Variants in SHROOM3 observed in about 807,000 individuals in gnomAD.
SHROOM3 encodes protein Shroom3.
In SHROOM3, 47 loss-of-function variants were observed where a neutral mutation model predicts 138.6. That is an observed-to-expected ratio of 0.34 (90% CI 0.27 to 0.43). SHROOM3 has a LOEUF of 0.43. Ranked by LOEUF, SHROOM3 falls within the 20% of genes least tolerant of loss-of-function variation. SHROOM3 has a pLI of 1.00. For missense variants in SHROOM3, 2,491 were observed against 2,596.5 expected (o/e 0.96, Z 0.88); for synonymous variants, 1,062 against 1,063.3 (o/e 1.00, Z 0.02).
intron 1 of SHROOM3, among the ~76,000 whole-genome samples, chr4:76,452,273 G>T (rs1333383328): frequency 1.3e-5 from 2 of 152,284 alleles, no homozygotes; most frequent in African/African-American, 4.8e-5. Flanking sequence ...ACAGTTCAGT[G>T]GCATCAAGTA....
At chr4:76,560,596 T>C (rs1283810771) in intron 2 of SHROOM3, among the ~76,000 whole-genome samples, 1 of 152,228 alleles carries the variant, frequency 6.6e-6, no homozygotes, top group Admixed American at 6.5e-5. Context: ...CCTTCATTAA[T>C]CAAAAGAAAG....
intron 2 of SHROOM3, among the ~76,000 whole-genome samples, chr4:76,629,834 G>A (rs13117261): frequency 0.36 from 55,402 of 151,982 alleles, 10,677 homozygotes; most frequent in East Asian, 0.52. Flanking sequence ...ATTGTGTATA[G>A]CTACTAAAAT....
At chr4:76,686,908 C>T (rs535814744) in intron 2 of SHROOM3, among the ~76,000 whole-genome samples, 19 of 152,272 alleles carry the variant, frequency 1.2e-4, no homozygotes, top group African/African-American at 3.9e-4. Context: ...GGACCACCTG[C>T]GGGACCTTGC....
At chr4:76,532,753 T>C (rs940456943) in intron 1 of SHROOM3, among the ~76,000 whole-genome samples, 1 of 152,210 alleles carries the variant, frequency 6.6e-6, no homozygotes, top group African/African-American at 2.4e-5. Flanking sequence ...CGTACATTTT[T>C]TTTTCTAAAG....
intron 1 of SHROOM3, among the ~76,000 whole-genome samples, chr4:76,482,684 A>G (rs1461791938): frequency 6.6e-6 from 1 of 152,220 alleles, no homozygotes; most frequent in Non-Finnish European, 1.5e-5. Context: ...AAGAGCCCAC[A>G]TAGCCAAGAC....
intron 2 of SHROOM3, among the ~76,000 whole-genome samples, chr4:76,564,254 G>T (rs993179574): frequency 2.0e-5 from 3 of 152,144 alleles, no homozygotes; most frequent in African/African-American, 7.2e-5. Context: ...TCCCTAGAGG[G>T]GAGATCAGTA....
intron 9 of SHROOM3, among the ~76,000 whole-genome samples, chr4:76,767,649 G>T (rs1436183313): frequency 6.6e-6 from 1 of 152,124 alleles, no homozygotes; most frequent in Non-Finnish European, 1.5e-5. Flanking sequence ...TTGCACTCCA[G>T]CCTGGGCAAC....
At chr4:76,774,687 C>CCTGAA (rs1446080399) in intron 10 of SHROOM3, among the ~76,000 whole-genome samples, 1 of 147,820 alleles carries the variant, frequency 6.8e-6, no homozygotes, top group African/African-American at 2.5e-5. Flanking sequence ...CATTCAAATT[C>CCTGAA]AGTCCCTCAG....
chr4:76,596,118 C>G (rs1396862120), intron 2 of SHROOM3, among the ~76,000 whole-genome samples: 1 of 152,096 alleles, frequency 6.6e-6, no homozygotes, highest in African/African-American at 2.4e-5. Context: ...CAATGATGGA[C>G]CCCATGCATG....
At chr4:76,601,597 C>T (rs1734506293) in intron 2 of SHROOM3, among the ~76,000 whole-genome samples, 1 of 152,186 alleles carries the variant, frequency 6.6e-6, no homozygotes, top group Non-Finnish European at 1.5e-5. Context: ...CTCCGCCTCC[C>T]AGGTTCAAGC....
chr4:76,678,780 C>T (rs1719110340), intron 2 of SHROOM3, among the ~76,000 whole-genome samples: 1 of 152,196 alleles, frequency 6.6e-6, no homozygotes, highest in Admixed American at 6.5e-5. Context: ...CCTGCCTCAG[C>T]CTCCCGAGTA....
At chr4:76,449,573 AT>A (rs751608637) in intron 1 of SHROOM3, among the ~76,000 whole-genome samples, 1 of 152,220 alleles carries the variant, frequency 6.6e-6, no homozygotes, top group Non-Finnish European at 1.5e-5. Flanking sequence ...CAATGTGAAT[AT>A]TCTTTGACTC....
Position 76,755,839 on chromosome 4 carries a change from G to C in SHROOM3, c.4710-610G>C, listed in dbSNP as rs117731212. Among the ~76,000 whole-genome samples, 169 of 152,292 alleles carry C rather than the reference G, an allele frequency of 1.1e-3. 5 individuals carry two copies. The East Asian group carries it at 0.028, about 25-fold the overall frequency. ...TTAGGGAAAACCTCTTGGAAGCTAGGAGAATGAGAAAGAAGCATTCCCCAA... is the reference window on the plus strand; with the variant it reads ...TTAGGGAAAACCTCTTGGAAGCTAGCAGAATGAGAAAGAAGCATTCCCCAA... On this transcript the variant is annotated intron_variant, in intron 7 of 10. Transcript: ENST00000296043.
chr4:76,754,805 G>A lies in SHROOM3; in HGVS notation c.4322G>A (p.Ser1441Asn), dbSNP rs778669488. 2 of 1,614,044 alleles carry A rather than the reference G, an allele frequency of 1.2e-6. No individual in the cohort carries two copies. The highest frequency in any genetic ancestry group is 2.7e-5 in the African/African-American group (2 of 74,914). The stretch of plus-strand genomic sequence containing the variant: ...TGGGCCCACGCAGCCAGAGAGGACA[G>A]CCTTCCTGAGGAATCCTCAGCCCCT... ...AKWAHAARED[S>N]LPEESSAPDF... The change falls in exon 7 of 11, where the codon AGC becomes AAC. Residue 1441 changes from serine (S) to asparagine (N), a missense_variant. Ser to Asn is a conservative substitution (Grantham distance 46, BLOSUM62 1). Transcript: ENST00000296043.
At chr4:76,603,071 T>C (rs888422703) in intron 2 of SHROOM3, among the ~76,000 whole-genome samples, 2 of 152,200 alleles carry the variant, frequency 1.3e-5, no homozygotes, top group Non-Finnish European at 2.9e-5. Context: ...TGTAATGTGG[T>C]ATAAAGGCAC....
chr4:76,727,887 C>CAAAAAAAAAAAAAAAAAAAAA (rs71212446), intron 3 of SHROOM3, among the ~76,000 whole-genome samples: 15 of 96,230 alleles, frequency 1.6e-4, no homozygotes, highest in Admixed American at 4.5e-4. Context: ...GACTCCATCT[C>CAAAAAAAAAAAAAAAAAAAAA]AAAAAAAAAG....
At chr4:76,522,096 C>G (rs991504468) in intron 1 of SHROOM3, among the ~76,000 whole-genome samples, 112 of 148,742 alleles carry the variant, frequency 7.5e-4, no homozygotes, top group Non-Finnish European at 2.2e-4. Flanking sequence ...AGGCAGGGAA[C>G]TGTTGGAGGG....
rs772930803 is a variant in SHROOM3 at position 76,741,170 on chromosome 4, GCCC to G, written c.3000_3002del (p.Pro1001del). On this transcript the variant is annotated inframe_deletion, in exon 5 of 11. Transcript: ENST00000296043. This position sits in a 1 kb window ranked among gnomAD's most constrained non-coding sequence, Gnocchi z 6.2. ...CTGAGGGCGACCTGGCCAGGCCCGT[GCCC>G]CCTGCCGCCCGGAGAGGTGCTCGCC... 15 of 1,584,794 alleles carry G rather than the reference GCCC, an allele frequency of 9.5e-6. No individual in the cohort carries two copies. In the South Asian group the frequency reaches 1.5e-4, roughly 16 times the overall value.
rs560173429 is a variant in SHROOM3 at position 76,748,928 on chromosome 4, GT to G, written c.3754-88del. 2.4e-4 allele frequency: 295 copies of G among 1,232,984 alleles called. No homozygotes were observed. In the African/African-American group the frequency reaches 4.0e-3, roughly 17 times the overall value. The allele number at this position is 1,232,984 out of a possible 1,614,324, so 76.4% of individuals were successfully genotyped here. A position where few individuals can be genotyped will look rare whatever the true frequency, so the allele number is the denominator to read the frequency against. ...ACAATAGTAGGTTGCCAGTAAATAGGTGTTCCTTCTCCTTTTTACCTCCACC... is the reference window on the plus strand; with the variant it reads ...ACAATAGTAGGTTGCCAGTAAATAGGGTTCCTTCTCCTTTTTACCTCCACC... On this transcript the variant is annotated intron_variant, in intron 5 of 10. Transcript: ENST00000296043.
Sources: allele counts gnomAD v4.1 joint callset (sites outside exome capture counted in the v4.1 genomes callset), GRCh38; gene constraint gnomAD v4.1.1; non-coding constraint Gnocchi (gnomAD v3.1); transcripts MANE v1.5; gene names NCBI Gene and HGNC (gene_info 2026-07-23, HGNC 2026-07-21).